AKAP6: variants seen among roughly 807,000 people sequenced by gnomAD.
The protein encoded by AKAP6 is A-kinase anchoring protein 6.
In AKAP6, 58 loss-of-function variants were observed where a neutral mutation model predicts 188.5. The observed-to-expected ratio is 0.31, with a 90% confidence interval of 0.25 to 0.38. The LOEUF (loss-of-function observed/expected upper bound fraction) is 0.38, where lower values mean the gene tolerates loss of function less well. Ranked by LOEUF, AKAP6 falls within the 10% of genes least tolerant of loss-of-function variation. The pLI is 1.00. For synonymous variants in AKAP6, 989 were observed against 998.6 expected (o/e 0.99, Z 0.18); for missense variants, 2,710 against 2,740.0 (o/e 0.99, Z 0.24).
At chr14:32,771,393 A>C (rs2032895083) in intron 11 of AKAP6, among the ~76,000 whole-genome samples, 1 of 151,440 alleles carries the variant, frequency 6.6e-6, no homozygotes, top group African/African-American at 2.4e-5. Flanking sequence ...TCAGATATTG[A>C]ATATCAACAG....
At chr14:32,702,556 G>GA (rs139366049) in intron 9 of AKAP6, among the ~76,000 whole-genome samples, 20 of 140,706 alleles carry the variant, frequency 1.4e-4, no homozygotes, top group South Asian at 2.3e-4. Context: ...TCTTTAAAAA[G>GA]AAAAAAAAAA....
chr14:32,397,985 G>A (rs777747555), intron 1 of AKAP6, among the ~76,000 whole-genome samples: 8 of 152,146 alleles, frequency 5.3e-5, no homozygotes, highest in Admixed American at 1.3e-4. Flanking sequence ...GTACTAGTCT[G>A]GCAATGTTGC....
At chr14:32,374,731 C>G (rs1275190678) in intron 1 of AKAP6, among the ~76,000 whole-genome samples, 4 of 152,110 alleles carry the variant, frequency 2.6e-5, no homozygotes, top group Non-Finnish European at 5.9e-5. Flanking sequence ...GTATAACTAC[C>G]ATTAGATTGT....
Position 32,615,204 on chromosome 14 carries a change from G to T in AKAP6, c.2730+14412G>T, listed in dbSNP as rs1331357364. On this transcript the variant is annotated intron_variant, in intron 7 of 13. Transcript: ENST00000280979. The stretch of plus-strand genomic sequence containing the variant: ...AAAAAAAAGATAAACAAGAAGAAAA[G>T]GTTCCCTTTCAAGCTCTGGATGCTT... Among the ~76,000 whole-genome samples the T allele has an allele frequency of 6.5e-5, 7 of 107,532 alleles. No homozygotes were observed. In the South Asian group the frequency reaches 1.1e-3, roughly 17 times the overall value. The allele number at this position is 107,532 out of a possible 152,430, so 70.5% of individuals were successfully genotyped here.
Position 32,822,791 on chromosome 14 carries a change from C to G in AKAP6, c.4978C>G (p.Gln1660Glu), listed in dbSNP as rs2034564699. The G allele has an allele frequency of 6.2e-7, 1 of 1,613,800 alleles. No individual in the cohort carries two copies. Among genetic ancestry groups the G allele is most frequent in the African/African-American group, 1.3e-5 (1 of 74,912 alleles). The change falls in exon 13 of 14, where the codon CAA becomes GAA. Residue 1660 changes from glutamine (Q) to glutamate (E), a missense_variant. This residue lies in a region of AKAP6 where 2,473 missense variants were observed against 2,426.1 expected (regional missense o/e 1.02). Coordinates refer to ENST00000280979, the MANE Select transcript of AKAP6 (RefSeq NM_004274.5). The part of the protein sequence containing the change: ...IKRSVSDITL[Q>E]SSSQKMSFTG... Reference sequence around the variant, plus strand: ...ACGAAGTGTTTCTGATATCACTCTTCAAAGCAGTTCCCAAAAGATGTCCTT... The same window carrying G: ...ACGAAGTGTTTCTGATATCACTCTTGAAAGCAGTTCCCAAAAGATGTCCTT...
chr14:32,722,196 T>C (rs1187718148), intron 9 of AKAP6, among the ~76,000 whole-genome samples: 1 of 152,196 alleles, frequency 6.6e-6, no homozygotes, highest in Non-Finnish European at 1.5e-5. Context: ...CTTGGGGAAG[T>C]ATTGAATCTT....
intron 5 of AKAP6, among the ~76,000 whole-genome samples, chr14:32,586,366 G>T (rs753144690): frequency 4.6e-5 from 7 of 152,278 alleles, no homozygotes; most frequent in African/African-American, 7.2e-5. Context: ...GGTGGCTAAT[G>T]CCTGTAATCC....
At chr14:32,574,746 T>G (rs1342211524) in intron 4 of AKAP6, among the ~76,000 whole-genome samples, 2 of 152,188 alleles carry the variant, frequency 1.3e-5, no homozygotes, top group African/African-American at 4.8e-5. Context: ...TAAAAACTGT[T>G]TAATGCTGCA....
chr14:32,683,009 T>G (rs1271109567), intron 8 of AKAP6, among the ~76,000 whole-genome samples: 2 of 102,858 alleles, frequency 1.9e-5, no homozygotes, highest in Non-Finnish European at 3.9e-5. Context: ...TTTTTTTGTT[T>G]TTGAGACAAA....
intron 4 of AKAP6, among the ~76,000 whole-genome samples, chr14:32,553,579 A>T (rs1326101896): frequency 1.3e-5 from 2 of 151,528 alleles, no homozygotes; most frequent in Non-Finnish European, 2.9e-5. Context: ...CATCCTTATC[A>T]CTCCATCTTG....
intron 2 of AKAP6, among the ~76,000 whole-genome samples, chr14:32,490,442 A>G (rs1285459230): frequency 2.0e-5 from 3 of 152,208 alleles, no homozygotes; most frequent in Non-Finnish European, 2.9e-5. Flanking sequence ...CTTTCCTGGA[A>G]TGAATCAATC....
chr14:32,458,333 G>GT (rs1238923792), intron 2 of AKAP6, among the ~76,000 whole-genome samples: 4 of 152,050 alleles, frequency 2.6e-5, no homozygotes, highest in Admixed American at 2.0e-4. Context: ...CTGGTATGTT[G>GT]TTTTTTTCTT....
intron 1 of AKAP6, among the ~76,000 whole-genome samples, chr14:32,348,874 T>C (rs1201802614): frequency 6.6e-6 from 1 of 152,192 alleles, no homozygotes; most frequent in African/African-American, 2.4e-5. Context: ...TACTTATTCC[T>C]ATTCTTGTGT....
intron 11 of AKAP6, among the ~76,000 whole-genome samples, chr14:32,758,025 G>A (rs1317895296): frequency 6.6e-6 from 1 of 152,174 alleles, no homozygotes; most frequent in Non-Finnish European, 1.5e-5. Flanking sequence ...ATGAGTCTGT[G>A]TATCTTGTCA....
chr14:32,658,573 A>G (rs934602063), intron 7 of AKAP6, among the ~76,000 whole-genome samples: 4 of 152,050 alleles, frequency 2.6e-5, no homozygotes, highest in Admixed American at 2.0e-4. Context: ...TTAATTACCT[A>G]TATTAATGGA....
chr14:32,680,349 T>C (rs1889624374), intron 8 of AKAP6, among the ~76,000 whole-genome samples: 1 of 152,224 alleles, frequency 6.6e-6, no homozygotes, highest in Non-Finnish European at 1.5e-5. Flanking sequence ...TGAGGTTATC[T>C]GGGGTGTCCT....
intron 2 of AKAP6, among the ~76,000 whole-genome samples, chr14:32,510,490 G>GAA (rs1881200104): frequency 8.7e-6 from 1 of 114,524 alleles, no homozygotes; most frequent in African/African-American, 3.4e-5. Flanking sequence ...ATATATATGT[G>GAA]TATATATATA....
At chr14:32,541,610 C>A (rs968679189) in intron 3 of AKAP6, among the ~76,000 whole-genome samples, 3 of 151,956 alleles carry the variant, frequency 2.0e-5, no homozygotes, top group African/African-American at 4.8e-5. Flanking sequence ...GGTGCAGTAA[C>A]CATGATAAAT....
intron 4 of AKAP6, among the ~76,000 whole-genome samples, chr14:32,567,917 A>T (rs1416352955): frequency 6.6e-6 from 1 of 152,202 alleles, no homozygotes; most frequent in Non-Finnish European, 1.5e-5. Context: ...AGAAAAAAGA[A>T]AGAAACAATG....
Sources: gnomAD v4.1 joint callset for allele counts (sites outside exome capture counted in the v4.1 genomes callset) on GRCh38, gnomAD v4.1.1 for gene constraint, gnomAD v4.1.1 regional missense constraint, MANE v1.5 for transcripts, NCBI Gene and HGNC (gene_info 2026-07-23, HGNC 2026-07-21) for gene names.